The following ANKRD13C variants were observed in gnomAD, a reference collection of about 807,000 sequenced individuals.
ANKRD13C encodes ankyrin repeat domain-containing protein 13C.
ANKRD13C carries 16 observed loss-of-function variants against 65.5 expected under a neutral mutation model. The observed-to-expected ratio is 0.24, with a 90% CI of 0.17 to 0.37. The LOEUF (loss-of-function observed/expected upper bound fraction) is 0.37, where lower values mean the gene tolerates loss of function less well. ANKRD13C is among the 10% of genes least tolerant of loss of function. The probability of loss-of-function intolerance (pLI) is 1.00; values close to 1 mark genes in which losing one functional copy is unlikely to be tolerated. For synonymous variants in ANKRD13C, 235 were observed against 238.7 expected (o/e 0.98, Z 0.14); for missense variants, 503 against 655.9 (o/e 0.77, Z 2.55).
intron 1 of ANKRD13C, among the ~76,000 whole-genome samples, chr1:70,343,959 C>T (rs1011506209): frequency 1.6e-3 from 236 of 152,216 alleles, no homozygotes; most frequent in African/African-American, 5.2e-3. Context: ...AACACCAGTC[C>T]ATGCAACATG....
At position 70,354,247 on chromosome 1, in the gene ANKRD13C, G is replaced by A. The variant is rs755379217; in HGVS notation, c.162C>T (p.Phe54=). ...GCTGTAGCCGGTGGTGATGGTTACTGAAGATCTTATGACAAGCTTTGCCGC... is the reference window on the plus strand; with the variant it reads ...GCTGTAGCCGGTGGTGATGGTTACTAAAGATCTTATGACAAGCTTTGCCGC... ...GKGGKACHKI[F]SNHHHRLQLK... is the part of the protein sequence containing the mutation. The change falls in exon 1 of 13, where the codon TTC becomes TTT. Residue 54 remains phenylalanine, a synonymous_variant. Transcript: ENST00000370944. The A allele has an allele frequency of 1.1e-5, 17 of 1,613,444 alleles. No individual in the cohort carries two copies. Among genetic ancestry groups the A allele is most frequent in the Non-Finnish European group, 1.4e-5 (17 of 1,180,038 alleles).
chr1:70,294,475 C>G (rs1473007052), intron 8 of ANKRD13C, among the ~76,000 whole-genome samples: 1 of 152,050 alleles, frequency 6.6e-6, no homozygotes, highest in East Asian at 1.9e-4. Flanking sequence ...TTAAGTAGAG[C>G]TAATTACCCT....
intron 6 of ANKRD13C, among the ~76,000 whole-genome samples, chr1:70,303,948 T>C (rs921501192): frequency 2.6e-5 from 4 of 152,196 alleles, no homozygotes; most frequent in African/African-American, 9.6e-5. Flanking sequence ...GTAAGCCCCA[T>C]GTCTAGTATC....
At chr1:70,270,710 T>A (rs1678841882) in intron 12 of ANKRD13C, 146 bp downstream of exon 12, 2 of 593,538 alleles carry the variant, frequency 3.4e-6, no homozygotes, top group African/African-American at 3.8e-5. Flanking sequence ...TCAGCTCATC[T>A]CCTGCTGTGC....
intron 2 of ANKRD13C, among the ~76,000 whole-genome samples, chr1:70,328,799 A>G (rs1681658833): frequency 6.6e-6 from 1 of 152,214 alleles, no homozygotes; most frequent in South Asian, 2.1e-4. Flanking sequence ...ATGCATTACC[A>G]TATTTATTGG....
chr1:70,285,771 C>T (rs753098575), intron 9 of ANKRD13C, among the ~76,000 whole-genome samples: 1 of 151,602 alleles, frequency 6.6e-6, no homozygotes, highest in African/African-American at 2.4e-5. Context: ...GGAATTACAG[C>T]GTGCCACCAC....
At chr1:70,299,789 C>T (rs1051961843) in intron 7 of ANKRD13C, among the ~76,000 whole-genome samples, 2 of 152,304 alleles carry the variant, frequency 1.3e-5, no homozygotes, top group South Asian at 2.1e-4. Flanking sequence ...GGGAGACACA[C>T]ATGATATCCA....
chr1:70,322,809 G>C lies in ANKRD13C; in HGVS notation c.577+2044C>G, dbSNP rs533834491. Among the ~76,000 whole-genome samples the C allele has an allele frequency of 2.6e-5, 4 of 152,118 alleles. No individual in the cohort carries two copies. The East Asian group carries it at 7.7e-4, about 29-fold the overall frequency. ...GGAGTTCAAAACCAGCTTGACCAAC[G>C]TGGAGAAACCCCAACTATACTAAAA... is the stretch of plus-strand genomic sequence containing the variant. On this transcript the variant is annotated intron_variant, in intron 3 of 12. Coordinates refer to ENST00000370944, the MANE Select transcript of ANKRD13C (RefSeq NM_030816.5).
At chr1:70,283,493 T>A (rs1362229937) in intron 9 of ANKRD13C, among the ~76,000 whole-genome samples, 23 of 152,090 alleles carry the variant, frequency 1.5e-4, no homozygotes, top group Non-Finnish European at 1.5e-5. Flanking sequence ...TATTTTATTA[T>A]GTATTCCTCT....
At chr1:70,341,363 GTTT>G (rs35739788) in intron 1 of ANKRD13C, among the ~76,000 whole-genome samples, 110 of 109,160 alleles carry the variant, frequency 1.0e-3, no homozygotes, top group African/African-American at 3.8e-3. Context: ...CTTTTTGTGT[GTTT>G]TTTTTTTTTT....
chr1:70,311,593 T>A (rs572715243), intron 5 of ANKRD13C, among the ~76,000 whole-genome samples: 166 of 152,226 alleles, frequency 1.1e-3, no homozygotes, highest in African/African-American at 3.8e-3. Context: ...AACACTTTAG[T>A]AAGCACTGAA....
intron 2 of ANKRD13C, among the ~76,000 whole-genome samples, chr1:70,331,902 T>TCTCACTA (rs1681823775): frequency 6.6e-6 from 1 of 151,870 alleles, no homozygotes; most frequent in South Asian, 2.1e-4. Context: ...ATCTCACTCT[T>TCTCACTA]GTGCAACCAA....
At chr1:70,296,090 G>C in intron 8 of ANKRD13C, 40 bp downstream of exon 8, 1 of 1,598,916 alleles carries the variant, frequency 6.3e-7, no homozygotes. Context: ...ATTAAATACC[G>C]AACAATGCTT....
At chr1:70,316,442 G>A (rs1681077010) in intron 3 of ANKRD13C, among the ~76,000 whole-genome samples, 1 of 151,878 alleles carries the variant, frequency 6.6e-6, no homozygotes, top group African/African-American at 2.4e-5. Flanking sequence ...CAGCTACTCA[G>A]GAGGTTAAGG....
At chr1:70,347,174 G>A (rs1051484834) in intron 1 of ANKRD13C, among the ~76,000 whole-genome samples, 3 of 149,810 alleles carry the variant, frequency 2.0e-5, no homozygotes, top group South Asian at 2.1e-4. Context: ...CAGAAAAGGC[G>A]AAAGACCTTT....
At chr1:70,294,627 TTC>T (rs1263846492) in intron 8 of ANKRD13C, among the ~76,000 whole-genome samples, 13 of 151,730 alleles carry the variant, frequency 8.6e-5, no homozygotes, top group African/African-American at 3.1e-4. Context: ...AGATTTCTTT[TTC>T]TCTCTCTTTT....
chr1:70,280,754 G>A (rs1381899939), intron 9 of ANKRD13C, among the ~76,000 whole-genome samples: 1 of 152,154 alleles, frequency 6.6e-6, no homozygotes, highest in African/African-American at 2.4e-5. Flanking sequence ...AGTGCCTCAC[G>A]CATAGCAAGT....
intron 9 of ANKRD13C, among the ~76,000 whole-genome samples, chr1:70,285,673 C>T (rs933063239): frequency 8.7e-5 from 13 of 150,234 alleles, no homozygotes; most frequent in Non-Finnish European, 4.4e-5. Flanking sequence ...CTCTGTCACC[C>T]AGGCTGCAGT....
At chr1:70,281,772 T>C (rs1679402695) in intron 9 of ANKRD13C, among the ~76,000 whole-genome samples, 1 of 151,492 alleles carries the variant, frequency 6.6e-6, no homozygotes, top group Non-Finnish European at 1.5e-5. Flanking sequence ...TCAAACAGAA[T>C]AGGAATGCCT....
Sources: gnomAD v4.1 joint callset for allele counts (sites outside exome capture counted in the v4.1 genomes callset) on GRCh38, gnomAD v4.1.1 for gene constraint, MANE v1.5 for transcripts, NCBI Gene and HGNC (gene_info 2026-07-23, HGNC 2026-07-21) for gene names.